The following MLLT6 variants were observed in gnomAD, a reference collection of about 807,000 sequenced individuals.
MLLT6 encodes protein AF-17.
MLLT6 carries 22 observed loss-of-function variants against 103.0 expected under a neutral mutation model. That is an observed-to-expected ratio of 0.21 (90% CI 0.15 to 0.31). The LOEUF (loss-of-function observed/expected upper bound fraction) is 0.31, where lower values mean the gene tolerates loss of function less well. Among genes scored for constraint, MLLT6 ranks in the 10% least tolerant of loss-of-function variants. The pLI, the probability that MLLT6 is intolerant of heterozygous loss-of-function variation, is 1.00. For missense variants in MLLT6, 1,199 were observed against 1,441.7 expected (o/e 0.83, Z 2.73); for synonymous variants, 606 against 623.5 (o/e 0.97, Z 0.42).
Position 38,716,341 on chromosome 17 carries a change from T to A in MLLT6, c.1037-26T>A, listed in dbSNP as rs767653777. On this transcript the variant is annotated intron_variant, in intron 9 of 19. Transcript: ENST00000621332. The surrounding 1 kb of genome is among the most constrained non-coding windows in gnomAD (Gnocchi z 5.6). ...GGAGTGCGGGGATCTGGGGTCCAGC[T>A]GTAACTGTTTCCCCTCTGTGCACAG... is the stretch of plus-strand genomic sequence containing the variant. The A allele has an allele frequency of 6.3e-7, 1 of 1,594,866 alleles. No homozygotes were observed. Among genetic ancestry groups the A allele is most frequent in the Non-Finnish European group, 8.5e-7 (1 of 1,174,332 alleles).
In MLLT6 at chr17:38,711,888, TGGA is replaced by T; in HGVS notation, c.603_605del (p.Gly203del). 6.2e-7 allele frequency: 1 copy of T among 1,600,334 alleles called. No homozygotes were observed. The highest frequency in any genetic ancestry group is 2.3e-5 in the East Asian group (1 of 44,320). On this transcript the variant is annotated inframe_deletion, in exon 7 of 20. Transcript: ENST00000621332. ...GCAGCGGGGGAGGCGGAGGAGGCGC[TGGA>T]GGAGGAGGTGGCAGCATGGGGGGAG... is the stretch of plus-strand genomic sequence containing the variant.
intron 1 of MLLT6, chr17:38,705,952 C>T: frequency 4.1e-6 from 1 of 242,724 alleles, no homozygotes; most frequent in East Asian, 8.6e-5. Context: ...GTTCCGCGCC[C>T]CCCACCCTAA....
chr17:38,720,274 A>C, intron 14 of MLLT6, 98 bp from the exon 15 acceptor site: 2 of 1,215,928 alleles, frequency 1.6e-6, no homozygotes, highest in Non-Finnish European at 2.3e-6. Context: ...CGCCTTTTCA[A>C]GGGCTGAGCA....
At chr17:38,717,080 A>C in intron 10 of MLLT6, 99 bp downstream of exon 10, 1 of 1,520,888 alleles carries the variant, frequency 6.6e-7, no homozygotes, top group Non-Finnish European at 8.8e-7. Flanking sequence ...GATGGATACC[A>C]CTCCAAAAGA....
intron 1 of MLLT6, 79 bp downstream of exon 1, chr17:38,705,820 A>G: frequency 2.0e-6 from 1 of 499,294 alleles, no homozygotes; most frequent in Non-Finnish European, 3.0e-6. Flanking sequence ...CCCTCCGGAG[A>G]CCTCCTGGGG....
chr17:38,715,460 C>A, intron 8 of MLLT6, 152 bp from the exon 9 acceptor site: 1 of 1,354,304 alleles, frequency 7.4e-7, no homozygotes, highest in Non-Finnish European at 9.7e-7. Context: ...TCTAGGAGCT[C>A]CTGGCCACTC....
rs776090982 is a variant in MLLT6, at chr17:38,728,672, A to C, written c.*3074A>C. Reference sequence around the variant, plus strand: ...ACAGCTCCAAGCCTAGAAGGGGCTCAGTGACAGGGCCAGGACAAGCCCTCA... The same window carrying C: ...ACAGCTCCAAGCCTAGAAGGGGCTCCGTGACAGGGCCAGGACAAGCCCTCA... On this transcript the variant is annotated 3_prime_UTR_variant, in exon 20 of 20. Transcript: ENST00000621332. 1 of 233,794 alleles carries C rather than the reference A, an allele frequency of 4.3e-6. No individual in the cohort carries two copies. Among genetic ancestry groups the C allele is most frequent in the South Asian group, 1.8e-4 (1 of 5,546 alleles). 14.5% of individuals were successfully genotyped at this position (233,794 alleles called of 1,614,324 possible). A position where few individuals can be genotyped will look rare whatever the true frequency, so the allele number is the denominator to read the frequency against.
intron 8 of MLLT6, chr17:38,713,055 G>A (rs375424825): frequency 3.9e-6 from 3 of 773,580 alleles, no homozygotes; most frequent in African/African-American, 1.7e-5. Flanking sequence ...CCTCAGCCCT[G>A]GGCTCTTGTC....
intron 16 of MLLT6, chr17:38,721,001 T>A: frequency 1.8e-6 from 1 of 570,830 alleles, no homozygotes; most frequent in South Asian, 2.1e-5. Flanking sequence ...AAAGAAGGAG[T>A]AATCACAAAC....
chr17:38,716,452 C>T lies in MLLT6; in HGVS notation c.1122C>T (p.Ala374=), dbSNP rs772262671. Residue 374 remains alanine (A), a synonymous_variant, in exon 10 of 20, where the codon GCC becomes GCT. Transcript: ENST00000621332. The surrounding 1 kb of genome is among the most constrained non-coding windows in gnomAD (Gnocchi z 5.6). Reference sequence around the variant, plus strand: ...AGGACAAGTACTCCAAGCCCACAGCCCCCGCCCCTTCAGCCCCTCCTTCTC... The same window carrying T: ...AGGACAAGTACTCCAAGCCCACAGCTCCCGCCCCTTCAGCCCCTCCTTCTC... ...PEEDKYSKPT[A]PAPSAPPSPS... is the part of the protein sequence containing the mutation. The T allele has an allele frequency of 1.9e-6, 3 of 1,613,966 alleles. No homozygotes were observed. Among genetic ancestry groups the T allele is most frequent in the South Asian group, 1.1e-5 (1 of 91,080 alleles).
chr17:38,717,427 T>C lies in MLLT6; in HGVS notation c.1652-5T>C, dbSNP rs1177630205. On this transcript the variant is annotated splice_polypyrimidine_tract_variant and splice_region_variant and intron_variant, in intron 10 of 19. Coordinates refer to ENST00000621332, the MANE Select transcript of MLLT6 (RefSeq NM_005937.4). ...ACGTGCTTCCCTCTGTCCTTGTGCC[T>C]GCAGGCATCTACACCAGTAATAAGG... 6.3e-7 allele frequency: 1 copy of C among 1,581,832 alleles called. No homozygotes were observed. The highest frequency in any genetic ancestry group is 1.1e-5 in the South Asian group (1 of 88,454).
Position 38,726,391 on chromosome 17 carries a change from GT to G in MLLT6, c.*794del, listed in dbSNP as rs1171426776. The G allele has an allele frequency of 2.1e-5, 5 of 234,968 alleles. No individual in the cohort carries two copies. Among genetic ancestry groups the G allele is most frequent in the African/African-American group, 1.1e-4 (5 of 45,314 alleles). 14.6% of individuals were successfully genotyped at this position (234,968 alleles called of 1,614,324 possible). ...CGTGCATGTGTGTGTGTGTGTGTGT[GT>G]GTGTGTGTGTCTGTCTGCCTGTCTC... On this transcript the variant is annotated 3_prime_UTR_variant, in exon 20 of 20. Transcript: ENST00000621332.
In MLLT6 at chr17:38,705,601, C is replaced by G; in HGVS notation, c.-32C>G. On this transcript the variant is annotated 5_prime_UTR_variant, in exon 1 of 20. Coordinates refer to ENST00000621332, the MANE Select transcript of MLLT6 (RefSeq NM_005937.4). ...CCCCCGACCCCCGCCGGCCGGCCCC[C>G]CGCCCCAGCCCCGGAGGGAGCTCAT... 7.3e-7 allele frequency: 1 copy of G among 1,362,206 alleles called. No individual in the cohort carries two copies. The highest frequency in any genetic ancestry group is 1.0e-6 in the Non-Finnish European group (1 of 998,936). 84.4% of individuals were successfully genotyped at this position (1,362,206 alleles called of 1,614,324 possible). A position where few individuals can be genotyped will look rare whatever the true frequency, so the allele number is the denominator to read the frequency against.
chr17:38,707,614 T>G, intron 3 of MLLT6, 74 bp downstream of exon 3: 2 of 1,502,258 alleles, frequency 1.3e-6, no homozygotes, highest in Non-Finnish European at 1.9e-6. Context: ...TGGACTGAGT[T>G]GGGGTGGAGG....
rs1905367858 is a variant in MLLT6 at position 38,716,803 on chromosome 17, G to A, written c.1473G>A (p.Gly491=). The change falls in exon 10 of 20, where the codon GGG becomes GGA. Residue 491 remains glycine (G), a synonymous_variant. Coordinates refer to ENST00000621332, the MANE Select transcript of MLLT6 (RefSeq NM_005937.4). This position sits in a 1 kb window ranked among gnomAD's most constrained non-coding sequence, Gnocchi z 5.6. ...GCAGCCGGAACAAGGAGGGCACTGGGGGCCCAGCTGCCCCATCCTTGCCCA... is the reference window on the plus strand; with the variant it reads ...GCAGCCGGAACAAGGAGGGCACTGGAGGCCCAGCTGCCCCATCCTTGCCCA... The part of the protein sequence containing the change: ...PKGSRNKEGT[G]GPAAPSLPSA... 6.2e-7 allele frequency: 1 copy of A among 1,611,660 alleles called. No homozygotes were observed. The highest frequency in any genetic ancestry group is 8.5e-7 in the Non-Finnish European group (1 of 1,178,918).
intron 9 of MLLT6, 150 bp downstream of exon 9, chr17:38,715,978 C>G: frequency 1.3e-6 from 1 of 744,250 alleles, no homozygotes; most frequent in South Asian, 1.9e-5. Flanking sequence ...CTCTCCAAAC[C>G]TGCCCCCAAA....
intron 8 of MLLT6, chr17:38,713,223 A>G: frequency 1.8e-6 from 1 of 547,248 alleles, no homozygotes; most frequent in Non-Finnish European, 3.3e-6. Flanking sequence ...AGGGGCTGAA[A>G]GTTCTGACCA....
chr17:38,706,525 C>T (rs1381745779), intron 1 of MLLT6: 3 of 159,818 alleles, frequency 1.9e-5, no homozygotes, highest in East Asian at 1.8e-4. Context: ...GGTCCCTAGA[C>T]CCCCTACTTC....
At chr17:38,710,303 G>A (rs1418181373) in intron 6 of MLLT6, among the ~76,000 whole-genome samples, 1 of 152,288 alleles carries the variant, frequency 6.6e-6, no homozygotes, top group East Asian at 1.9e-4. Context: ...TGGAAAGGGT[G>A]CTACTCTGTG....
Sources: gnomAD v4.1 joint callset for allele counts (sites outside exome capture counted in the v4.1 genomes callset) on GRCh38, gnomAD v4.1.1 for gene constraint, Gnocchi (gnomAD v3.1) non-coding constraint, MANE v1.5 for transcripts, NCBI Gene and HGNC (gene_info 2026-07-23, HGNC 2026-07-21) for gene names.